Variants in SNX13 observed in about 807,000 individuals in gnomAD.
SNX13 encodes the protein sorting nexin 13.
SNX13 carries 45 observed loss-of-function variants against 133.6 expected under a neutral mutation model. The ratio of observed to expected loss-of-function variants is 0.34; its 90% CI spans 0.27 to 0.43. The LOEUF (loss-of-function observed/expected upper bound fraction) is 0.43, where lower values mean the gene tolerates loss of function less well. Ranked by LOEUF, SNX13 falls within the 20% of genes least tolerant of loss-of-function variation. The pLI is 1.00. For missense variants in SNX13, 1,032 were observed against 1,145.1 expected, an observed-to-expected ratio of 0.90 and a Z score of 1.43; for synonymous variants, 414 against 373.9, an observed-to-expected ratio of 1.11 and a Z score of -1.24.
In SNX13 at chr7:17,792,192, G is replaced by A. The variant is rs1783613452; in HGVS notation, c.*1853C>T. ...CATATATGAAAATCACTGCACTTATGGCCATGCTGATGCTTCCTACAGACA... is the reference window on the plus strand; with the variant it reads ...CATATATGAAAATCACTGCACTTATAGCCATGCTGATGCTTCCTACAGACA... On this transcript the variant is annotated 3_prime_UTR_variant, in exon 26 of 26. Transcript: ENST00000428135. 2 of 151,892 alleles carry A rather than the reference G, an allele frequency of 1.3e-5. No homozygotes were observed. The highest frequency in any genetic ancestry group is 4.8e-5 in the African/African-American group (2 of 41,374). The allele number at this position is 151,892 out of a possible 1,614,324, so 9.4% of individuals were successfully genotyped here. A position where few individuals can be genotyped will look rare whatever the true frequency, so the allele number is the denominator to read the frequency against.
chr7:17,893,215 C>T (rs1796824651), intron 3 of SNX13, 117 bp downstream of exon 3: 1 of 587,114 alleles, frequency 1.7e-6, no homozygotes, highest in Non-Finnish European at 2.9e-6. Flanking sequence ...CACATAAATT[C>T]CCAGTGAGCA....
chr7:17,847,426 G>A (rs1320802078), intron 11 of SNX13, among the ~76,000 whole-genome samples: 2 of 152,078 alleles, frequency 1.3e-5, no homozygotes, highest in South Asian at 2.1e-4. Context: ...CTGCCTCCCA[G>A]GTTCAAGTGA....
chr7:17,871,651 G>T (rs1317458293), intron 8 of SNX13, among the ~76,000 whole-genome samples: 1 of 152,098 alleles, frequency 6.6e-6, no homozygotes, highest in Admixed American at 6.5e-5. Context: ...CACTACATCT[G>T]ATGTTTCCTT....
At chr7:17,804,285 G>A (rs1414870681) in intron 20 of SNX13, among the ~76,000 whole-genome samples, 1 of 152,078 alleles carries the variant, frequency 6.6e-6, no homozygotes, top group East Asian at 1.9e-4. Context: ...ACAGTTCAAG[G>A]CAACAGTTAG....
chr7:17,897,502 A>G, intron 1 of SNX13, 56 bp from the exon 2 acceptor site: 1 of 1,009,112 alleles, frequency 9.9e-7, no homozygotes, highest in East Asian at 2.8e-5. Flanking sequence ...CATGAATTAG[A>G]AAAGAACCAA....
At chr7:17,902,007 C>G (rs925247451) in intron 1 of SNX13, among the ~76,000 whole-genome samples, 2 of 152,070 alleles carry the variant, frequency 1.3e-5, no homozygotes, top group Non-Finnish European at 2.9e-5. Flanking sequence ...AAAAAAGAGT[C>G]AAAATGAGTT....
At chr7:17,840,811 A>C (rs1462701436) in intron 12 of SNX13, among the ~76,000 whole-genome samples, 12 of 152,272 alleles carry the variant, frequency 7.9e-5, no homozygotes, top group South Asian at 4.1e-4. Flanking sequence ...GGGAGTGTGA[A>C]GCACCAGAAT....
At chr7:17,804,704 C>T (rs1784992643) in intron 20 of SNX13, among the ~76,000 whole-genome samples, 1 of 151,396 alleles carries the variant, frequency 6.6e-6, no homozygotes, top group African/African-American at 2.4e-5. Flanking sequence ...AGACACAAAA[C>T]CAAAGTCATA....
At chr7:17,915,378 C>T (rs943613893) in intron 1 of SNX13, among the ~76,000 whole-genome samples, 1 of 152,194 alleles carries the variant, frequency 6.6e-6, no homozygotes, top group African/African-American at 2.4e-5. Flanking sequence ...GCCCCCTGGG[C>T]GGCACTGGGG....
intron 22 of SNX13, among the ~76,000 whole-genome samples, chr7:17,800,629 GA>G (rs1784512840): frequency 6.6e-6 from 1 of 151,632 alleles, no homozygotes; most frequent in African/African-American, 2.4e-5. Context: ...GAAACCTAGA[GA>G]GAAGACAATG....
At chr7:17,888,859 G>C (rs1040969012) in intron 5 of SNX13, 2 of 376,162 alleles carry the variant, frequency 5.3e-6, no homozygotes, top group Non-Finnish European at 1.1e-5. Context: ...AAGGTTCAGA[G>C]TTTAAAGACA....
intron 21 of SNX13, among the ~76,000 whole-genome samples, chr7:17,802,253 C>T (rs373402446): frequency 2.8e-4 from 43 of 152,108 alleles, no homozygotes; most frequent in African/African-American, 7.2e-4. Flanking sequence ...ATGATGAAAT[C>T]GCCCGGTGAC....
chr7:17,906,481 A>G (rs1798410771), intron 1 of SNX13, among the ~76,000 whole-genome samples: 1 of 152,116 alleles, frequency 6.6e-6, no homozygotes, highest in Admixed American at 6.5e-5. Flanking sequence ...TTTAGTTGAT[A>G]TGGTAAATTC....
In SNX13 at chr7:17,850,814, T is replaced by C; in HGVS notation, c.976+12A>G. ...TCAAAAAAATATATCTTAAATTAAATACATTACTTACCATCACCAGCTGTA... is the reference window on the plus strand; with the variant it reads ...TCAAAAAAATATATCTTAAATTAAACACATTACTTACCATCACCAGCTGTA... On this transcript the variant is annotated intron_variant, in intron 10 of 25. Coordinates refer to ENST00000428135, the MANE Select transcript of SNX13 (RefSeq NM_015132.5). 1.3e-6 allele frequency: 2 copies of C among 1,541,432 alleles called. No individual in the cohort carries two copies. Among genetic ancestry groups the C allele is most frequent in the Admixed American group, 2.3e-5 (1 of 43,736 alleles).
At chr7:17,835,492 C>T (rs1182270623) in intron 13 of SNX13, among the ~76,000 whole-genome samples, 1 of 151,728 alleles carries the variant, frequency 6.6e-6, no homozygotes, top group Non-Finnish European at 1.5e-5. Flanking sequence ...AAGTATATAA[C>T]ACAAGGAAAT....
intron 2 of SNX13, among the ~76,000 whole-genome samples, chr7:17,895,568 T>A (rs1338938766): frequency 6.6e-6 from 1 of 152,178 alleles, no homozygotes; most frequent in Non-Finnish European, 1.5e-5. Flanking sequence ...TCTCTAGAGT[T>A]TTTTAGTACC....
chr7:17,874,447 T>C (rs1022560989), intron 7 of SNX13, among the ~76,000 whole-genome samples: 4 of 152,144 alleles, frequency 2.6e-5, no homozygotes, highest in African/African-American at 9.7e-5. Context: ...CAGAATTCTG[T>C]CTGCACAGGG....
chr7:17,807,116 C>A (rs745433400), intron 20 of SNX13, among the ~76,000 whole-genome samples: 2 of 152,084 alleles, frequency 1.3e-5, no homozygotes, highest in Non-Finnish European at 2.9e-5. Flanking sequence ...ACCGTTCACT[C>A]CCCTGGAAAG....
chr7:17,907,100 T>C (rs1289171732), intron 1 of SNX13: 2 of 151,950 alleles, frequency 1.3e-5, no homozygotes, highest in Non-Finnish European at 2.9e-5. Context: ...TAGAAAAAAA[T>C]CCTCCCTAAA....
Sources: gnomAD v4.1 joint callset for allele counts (sites outside exome capture counted in the v4.1 genomes callset) on GRCh38, gnomAD v4.1.1 for gene constraint, MANE v1.5 for transcripts, NCBI Gene and HGNC (gene_info 2026-07-23, HGNC 2026-07-21) for gene names.